Variants in GSE1 observed in about 807,000 individuals in gnomAD.
GSE1 encodes the protein Gse1 coiled-coil protein.
In GSE1, 32 loss-of-function variants were observed where a neutral mutation model predicts 112.6. The ratio of observed to expected loss-of-function variants is 0.28; its 90% CI spans 0.21 to 0.38. The LOEUF (loss-of-function observed/expected upper bound fraction) is 0.38, where lower values mean the gene tolerates loss of function less well. Among genes scored for constraint, GSE1 ranks in the 10% least tolerant of loss-of-function variants. The pLI is 1.00. For missense variants in GSE1, 2,348 were observed against 1,699.2 expected, an observed-to-expected ratio of 1.38 and a Z score of -6.71; for synonymous variants, 1,115 against 735.6, an observed-to-expected ratio of 1.52 and a Z score of -8.35.
At chr16:85,632,392 C>T (rs1292170207) in intron 1 of GSE1, among the ~76,000 whole-genome samples, 1 of 152,200 alleles carries the variant, frequency 6.6e-6, no homozygotes, top group Non-Finnish European at 1.5e-5. Context: ...CAGCCCTTCC[C>T]TCAGTGCCCC....
At chr16:85,340,669 C>A (rs1187466674) in intron 1 of GSE1, among the ~76,000 whole-genome samples, 3 of 152,176 alleles carry the variant, frequency 2.0e-5, no homozygotes, top group Admixed American at 2.0e-4. Context: ...AACATCTTCA[C>A]GTGAGCTGTT....
At chr16:85,431,680 A>G (rs557655394) in intron 2 of GSE1, among the ~76,000 whole-genome samples, 1 of 152,086 alleles carries the variant, frequency 6.6e-6, no homozygotes, top group East Asian at 1.9e-4. Flanking sequence ...TTCGGAGCGA[A>G]GCTCCACCCA....
intron 1 of GSE1, among the ~76,000 whole-genome samples, chr16:85,179,218 GC>G (rs1385631170): frequency 2.0e-5 from 3 of 152,068 alleles, no homozygotes; most frequent in African/African-American, 4.8e-5. Context: ...TTATGGATCT[GC>G]CCGTTCTGGT....
chr16:85,368,886 C>G (rs1311182034), intron 2 of GSE1, among the ~76,000 whole-genome samples: 4 of 152,106 alleles, frequency 2.6e-5, no homozygotes, highest in African/African-American at 7.2e-5. Context: ...ATGGACGGCT[C>G]TGGGAGGGCT....
chr16:85,274,888 GC>G (rs1452693188), intron 1 of GSE1, among the ~76,000 whole-genome samples: 1 of 152,234 alleles, frequency 6.6e-6, no homozygotes, highest in East Asian at 1.9e-4. Flanking sequence ...TGCATGTGGG[GC>G]CTGGCCCTCA....
chr16:85,655,639 G>A, intron 5 of GSE1, 87 bp from the exon 6 acceptor site: 1 of 799,702 alleles, frequency 1.3e-6, no homozygotes, highest in Non-Finnish European at 2.0e-6. Flanking sequence ...AGGCAGGTGT[G>A]TGTACCTGGC....
At chr16:85,229,275 G>A (rs372218703) in intron 1 of GSE1, among the ~76,000 whole-genome samples, 1 of 152,228 alleles carries the variant, frequency 6.6e-6, no homozygotes, top group Non-Finnish European at 1.5e-5. Flanking sequence ...TGCAGTCAGC[G>A]GCAGGCCGGA....
intron 2 of GSE1, among the ~76,000 whole-genome samples, chr16:85,519,274 A>G (rs2052059035): frequency 2.2e-5 from 3 of 134,662 alleles, no homozygotes; most frequent in Non-Finnish European, 3.4e-5. Flanking sequence ...CACTATCATC[A>G]TCACCATCAC....
chr16:85,451,750 C>T (rs779178689), intron 2 of GSE1, among the ~76,000 whole-genome samples: 5,539 of 40,598 alleles, frequency 0.14, 1,600 homozygotes, highest in East Asian at 0.41. Context: ...GTGGTTGGTG[C>T]GTGCGCTGGT....
At chr16:85,309,051 C>T (rs1008636027) in intron 1 of GSE1, among the ~76,000 whole-genome samples, 3 of 151,292 alleles carry the variant, frequency 2.0e-5, no homozygotes, top group Admixed American at 2.0e-4. Context: ...TGGGGCGGGG[C>T]CTGAGTCTCT....
intron 1 of GSE1, among the ~76,000 whole-genome samples, chr16:85,254,474 G>T (rs1354896585): frequency 6.6e-6 from 1 of 152,084 alleles, no homozygotes. Flanking sequence ...CCTTTAGCAT[G>T]ACCCCCCCAC....
chr16:85,627,044 CTTTTTTTTTTTTTTTTTT>C (rs564272210), intron 1 of GSE1, among the ~76,000 whole-genome samples: 6 of 25,070 alleles, frequency 2.4e-4, no homozygotes, highest in South Asian at 4.4e-3. Context: ...TTCTTCTTGC[CTTTTTTTTTTTTTTTTTT>C]TTTTTTTTTT....
intron 1 of GSE1, among the ~76,000 whole-genome samples, chr16:85,563,216 G>C (rs557269584): frequency 6.9e-6 from 1 of 145,320 alleles, no homozygotes; most frequent in African/African-American, 2.6e-5. Context: ...TTTTAAGAGC[G>C]CCATATAGAT....
chr16:85,468,208 G>C (rs2151839092), intron 2 of GSE1, among the ~76,000 whole-genome samples: 1 of 152,206 alleles, frequency 6.6e-6, no homozygotes, highest in African/African-American at 2.4e-5. Flanking sequence ...TAGAGGAACA[G>C]GGAATATTCG....
chr16:85,428,953 G>T (rs953280281), intron 2 of GSE1, among the ~76,000 whole-genome samples: 2 of 152,170 alleles, frequency 1.3e-5, no homozygotes. Flanking sequence ...AGTAACATTT[G>T]TAAGGTACTC....
chr16:85,339,913 C>A (rs1285154993), intron 1 of GSE1, among the ~76,000 whole-genome samples: 4 of 152,164 alleles, frequency 2.6e-5, no homozygotes, highest in African/African-American at 9.7e-5. Context: ...ACTGCCAAGT[C>A]CTCAGTGCCA....
At chr16:85,278,740 A>T (rs1307058167) in intron 1 of GSE1, 1 of 152,920 alleles carries the variant, frequency 6.5e-6, no homozygotes. Flanking sequence ...TCACATATTC[A>T]TGTTTCATAG....
At chr16:85,583,666 T>C (rs1331003571) in intron 1 of GSE1, 2 of 152,152 alleles carry the variant, frequency 1.3e-5, no homozygotes, top group Admixed American at 6.5e-5. Flanking sequence ...CACCCCCATA[T>C]TCAGATGCAT....
At chr16:85,318,575 T>C (rs371580305) in intron 1 of GSE1, among the ~76,000 whole-genome samples, 6 of 152,204 alleles carry the variant, frequency 3.9e-5, no homozygotes, top group South Asian at 4.2e-4. Context: ...TCCTCATCCA[T>C]AAAATGGGGC....
Sources: gnomAD v4.1 joint callset for allele counts (sites outside exome capture counted in the v4.1 genomes callset) on GRCh38, gnomAD v4.1.1 for gene constraint, MANE v1.5 for transcripts, NCBI Gene and HGNC (gene_info 2026-07-23, HGNC 2026-07-21) for gene names.